Variants in NFIA observed in about 807,000 individuals in gnomAD.
NFIA encodes the protein nuclear factor 1 A-type.
A neutral mutation model predicts 62.8 loss-of-function variants in NFIA; 8 were observed. The ratio of observed to expected loss-of-function variants is 0.13; its 90% CI spans 0.07 to 0.23. The LOEUF (loss-of-function observed/expected upper bound fraction) is 0.23. NFIA is among the 10% of genes least tolerant of loss of function. NFIA has a pLI of 1.00. For synonymous variants in NFIA, 235 were observed against 238.1 expected, an observed-to-expected ratio of 0.99 and a Z score of 0.12; for missense variants, 410 against 642.1, an observed-to-expected ratio of 0.64 and a Z score of 3.91.
chr1:61,346,893 G>A (rs1170999144), intron 4 of NFIA, among the ~76,000 whole-genome samples: 3 of 152,178 alleles, frequency 2.0e-5, no homozygotes, highest in African/African-American at 7.2e-5. Flanking sequence ...AGGGCAGCAG[G>A]AGAGAGAATC....
chr1:61,288,819 G>T (rs1224248000), intron 3 of NFIA, among the ~76,000 whole-genome samples: 1 of 152,186 alleles, frequency 6.6e-6, no homozygotes, highest in Non-Finnish European at 1.5e-5. Flanking sequence ...CTAGGCTGGA[G>T]TGCAGTGGTA....
At chr1:61,179,489 T>A (rs1261756151) in intron 2 of NFIA, among the ~76,000 whole-genome samples, 1 of 152,222 alleles carries the variant, frequency 6.6e-6, no homozygotes, top group Non-Finnish European at 1.5e-5. Context: ...GCAATGCCAT[T>A]CGTAAAAGCG....
chr1:61,250,126 A>G (rs573733876), intron 2 of NFIA: 8 of 152,178 alleles, frequency 5.3e-5, no homozygotes, highest in South Asian at 4.1e-4. Flanking sequence ...CTAGTCCTCT[A>G]TGCTGAAAAT....
At chr1:61,283,106 G>A (rs559873268) in intron 3 of NFIA, among the ~76,000 whole-genome samples, 6 of 152,206 alleles carry the variant, frequency 3.9e-5, no homozygotes, top group Admixed American at 3.9e-4. Context: ...CATTTATGTC[G>A]TTCACATCCT....
chr1:61,416,658 A>G (rs1318395934), intron 9 of NFIA, among the ~76,000 whole-genome samples: 1 of 152,192 alleles, frequency 6.6e-6, no homozygotes, highest in East Asian at 1.9e-4. Flanking sequence ...AATTTTTTAA[A>G]TGAAAAGAAA....
intron 3 of NFIA, among the ~76,000 whole-genome samples, chr1:61,317,531 AAG>A (rs1660429174): frequency 6.6e-6 from 1 of 152,052 alleles, no homozygotes; most frequent in Non-Finnish European, 1.5e-5. Context: ...CTTAGAGACT[AAG>A]TACTGTTATT....
chr1:61,173,926 T>C (rs1238269421), intron 2 of NFIA, among the ~76,000 whole-genome samples: 1 of 152,166 alleles, frequency 6.6e-6, no homozygotes, highest in Non-Finnish European at 1.5e-5. Context: ...GTAGGGTCCT[T>C]GGCATAGTGA....
At chr1:61,301,163 G>A (rs1259414119) in intron 3 of NFIA, among the ~76,000 whole-genome samples, 2 of 116,352 alleles carry the variant, frequency 1.7e-5, no homozygotes, top group Non-Finnish European at 4.1e-5. Flanking sequence ...GGAGGACACC[G>A]GGTGATATGC....
chr1:61,191,878 G>C (rs751444598), intron 2 of NFIA, among the ~76,000 whole-genome samples: 3 of 152,184 alleles, frequency 2.0e-5, no homozygotes, highest in Non-Finnish European at 4.4e-5. Context: ...ATTTGGCCTT[G>C]CCCTTACAGA....
At chr1:61,097,909 C>G (rs947806383) in intron 2 of NFIA, among the ~76,000 whole-genome samples, 6 of 152,118 alleles carry the variant, frequency 3.9e-5, no homozygotes, top group African/African-American at 1.4e-4. Flanking sequence ...AAATTCTCAT[C>G]AACTTTTATG....
At chr1:61,216,034 G>A (rs1046245752) in intron 2 of NFIA, among the ~76,000 whole-genome samples, 2 of 152,188 alleles carry the variant, frequency 1.3e-5, no homozygotes, top group African/African-American at 4.8e-5. Context: ...AATATTGATG[G>A]CTATGAACCT....
At chr1:61,223,456 G>A (rs911732501) in intron 2 of NFIA, among the ~76,000 whole-genome samples, 24 of 152,044 alleles carry the variant, frequency 1.6e-4, no homozygotes, top group African/African-American at 5.3e-4. Context: ...GATTTTGATG[G>A]ACCTGTACAA....
chr1:61,194,072 G>C (rs1404344213), intron 2 of NFIA, among the ~76,000 whole-genome samples: 2 of 152,142 alleles, frequency 1.3e-5, no homozygotes, highest in African/African-American at 4.8e-5. Flanking sequence ...GATTTGACTT[G>C]ATAATTAATT....
At chr1:61,294,663 T>C (rs1659090660) in intron 3 of NFIA, among the ~76,000 whole-genome samples, 1 of 152,246 alleles carries the variant, frequency 6.6e-6, no homozygotes, top group Non-Finnish European at 1.5e-5. Context: ...TTGTTTTTCT[T>C]TTTTACTCAC....
At chr1:61,359,448 G>A (rs1330264201) in intron 6 of NFIA, among the ~76,000 whole-genome samples, 174 bp downstream of exon 6, 3 of 152,238 alleles carry the variant, frequency 2.0e-5, no homozygotes, top group Non-Finnish European at 4.4e-5. Context: ...GGATGGCTGT[G>A]CAAAGCAGTA....
chr1:61,145,797 C>G (rs1173252089), intron 2 of NFIA, among the ~76,000 whole-genome samples: 3 of 152,158 alleles, frequency 2.0e-5, no homozygotes. Flanking sequence ...TGAGGTTTAA[C>G]TCTTCATTAA....
chr1:61,261,081 T>C (rs1426243324), intron 2 of NFIA, among the ~76,000 whole-genome samples: 1 of 152,198 alleles, frequency 6.6e-6, no homozygotes, highest in Non-Finnish European at 1.5e-5. Context: ...AATTTAGGAA[T>C]TTTAGGGGAA....
chr1:61,095,743 C>G (rs920933981), intron 2 of NFIA, among the ~76,000 whole-genome samples: 3 of 152,248 alleles, frequency 2.0e-5, no homozygotes, highest in South Asian at 2.1e-4. Context: ...CATTATGACA[C>G]AGGTTTAAGA....
rs1377535485 is a variant in NFIA, at chr1:61,276,461, C to CA, written c.560-1055dup. Among the ~76,000 whole-genome samples the CA allele has an allele frequency of 2.6e-5, 4 of 152,268 alleles. 1 individual carries two copies. In the South Asian group the frequency reaches 6.2e-4, roughly 24 times the overall value. On this transcript the variant is annotated intron_variant, in intron 2 of 10. Coordinates refer to ENST00000403491, the MANE Select transcript of NFIA (RefSeq NM_001134673.4). Reference sequence around the variant, plus strand: ...GTGGTTAAATTTCAGGCAGCTAATTCAAAACCTGTGAAGTCAAGTTGAAGT... The same window carrying CA: ...GTGGTTAAATTTCAGGCAGCTAATTCAAAAACCTGTGAAGTCAAGTTGAAGT...
Sources: allele counts gnomAD v4.1 joint callset (sites outside exome capture counted in the v4.1 genomes callset), GRCh38; gene constraint gnomAD v4.1.1; transcripts MANE v1.5; gene names NCBI Gene and HGNC (gene_info 2026-07-23, HGNC 2026-07-21).